Variants in GIPC2 observed in about 807,000 individuals in gnomAD.
GIPC2 encodes the protein PDZ domain-containing protein GIPC2.
Under a neutral mutation model 30.6 loss-of-function variants are expected in GIPC2, and 30 were observed. The observed-to-expected ratio is 0.98, with a 90% CI of 0.73 to 1.33. The LOEUF is 1.33. Among genes scored for constraint, GIPC2 ranks in the 40% most tolerant of loss-of-function variants. The probability of loss-of-function intolerance (pLI) is 0.00; values close to 1 mark genes in which losing one functional copy is unlikely to be tolerated. For synonymous variants in GIPC2, 167 were observed against 150.0 expected (o/e 1.11, Z -0.83); for missense variants, 414 against 390.3 (o/e 1.06, Z -0.51).
chr1:78,103,705 G>A (rs1256341772), intron 3 of GIPC2, among the ~76,000 whole-genome samples: 2 of 152,172 alleles, frequency 1.3e-5, no homozygotes, highest in African/African-American at 2.4e-5. Context: ...ATGCTATAGT[G>A]CAGATTTAAA....
chr1:78,117,315 G>A (rs1662586686), intron 3 of GIPC2, among the ~76,000 whole-genome samples: 1 of 152,282 alleles, frequency 6.6e-6, no homozygotes. Flanking sequence ...GTCCTGTGAT[G>A]CCTCTCTGGA....
At position 78,137,582 on chromosome 1, in the gene GIPC2, GT is replaced by G. The variant is rs1175873369; in HGVS notation, c.*1840del. The G allele has an allele frequency of 2.0e-4, 30 of 152,126 alleles. No individual in the cohort carries two copies. Among genetic ancestry groups the G allele is most frequent in the Admixed American group, 2.0e-3 (30 of 15,270 alleles). 9.4% of individuals were successfully genotyped at this position (152,126 alleles called of 1,614,324 possible). ...CTTTCTAGAATTTGTGTGTAAGGTT[GT>G]GATATCCATGTACAGCTGTAACTAT... On this transcript the variant is annotated 3_prime_UTR_variant, in exon 6 of 6. Coordinates refer to ENST00000370759, the MANE Select transcript of GIPC2 (RefSeq NM_017655.6).
intron 2 of GIPC2, chr1:78,091,484 CCTCCCG>C: frequency 1.5e-6 from 1 of 670,812 alleles, no homozygotes; most frequent in South Asian, 1.6e-5. Context: ...CCTGTTTTCA[CCTCCCG>C]CTGCGCTAAT....
intron 1 of GIPC2, 80 bp downstream of exon 1, chr1:78,046,414 G>A: frequency 7.4e-7 from 1 of 1,344,994 alleles, no homozygotes; most frequent in Non-Finnish European, 1.0e-6. Context: ...GGCCCAGGAG[G>A]GTTGAGCGGC....
intron 5 of GIPC2, among the ~76,000 whole-genome samples, chr1:78,133,775 TGTGTG>T (rs1662948683): frequency 1.3e-5 from 2 of 151,850 alleles, no homozygotes; most frequent in African/African-American, 4.8e-5. Context: ...TGTGTGTGTG[TGTGTG>T]TGTGTGTGTA....
intron 2 of GIPC2, among the ~76,000 whole-genome samples, chr1:78,082,534 T>C (rs77611745): frequency 0.018 from 2,688 of 152,268 alleles, 58 homozygotes; most frequent in South Asian, 0.1. Flanking sequence ...GCTCAGGACA[T>C]GAGGCACAGG....
At chr1:78,091,282 T>G (rs561464079) in intron 2 of GIPC2, among the ~76,000 whole-genome samples, 1 of 152,344 alleles carries the variant, frequency 6.6e-6, no homozygotes, top group East Asian at 1.9e-4. Flanking sequence ...ACTGTTAGCT[T>G]ATTATTATGG....
chr1:78,121,339 C>G (rs1393915447), intron 4 of GIPC2, among the ~76,000 whole-genome samples: 1 of 152,066 alleles, frequency 6.6e-6, no homozygotes, highest in Non-Finnish European at 1.5e-5. Flanking sequence ...GGGCAAGGCT[C>G]TGGGCCCTTC....
chr1:78,068,790 G>A (rs1661566549), intron 1 of GIPC2, among the ~76,000 whole-genome samples: 1 of 152,136 alleles, frequency 6.6e-6, no homozygotes, highest in South Asian at 2.1e-4. Flanking sequence ...GGAAGGCTAG[G>A]GAGAGGGAGT....
chr1:78,061,107 T>C (rs1661384166), intron 1 of GIPC2, among the ~76,000 whole-genome samples: 6 of 152,164 alleles, frequency 3.9e-5, no homozygotes, highest in Admixed American at 3.9e-4. Flanking sequence ...AGACAAATTT[T>C]AATAATTTCT....
intron 1 of GIPC2, among the ~76,000 whole-genome samples, chr1:78,073,965 A>T (rs925845735): frequency 6.6e-6 from 1 of 152,212 alleles, no homozygotes; most frequent in African/African-American, 2.4e-5. Context: ...AATACTGAGG[A>T]AAGTAGCAAT....
intron 5 of GIPC2, among the ~76,000 whole-genome samples, chr1:78,132,665 A>ATATGTGTG (rs138358890): frequency 2.1e-5 from 3 of 142,608 alleles, no homozygotes; most frequent in Admixed American, 7.0e-5. Context: ...ATAGCCAAGG[A>ATATGTGTG]TGTGTGTGTG....
At chr1:78,046,798 A>C (rs543034037) in intron 1 of GIPC2, among the ~76,000 whole-genome samples, 1 of 147,974 alleles carries the variant, frequency 6.8e-6, no homozygotes, top group African/African-American at 2.5e-5. Flanking sequence ...AAAAAAATAG[A>C]AGTGCCTTGC....
rs756883769 is a variant in GIPC2 at position 78,095,149 on chromosome 1, T to C, written c.607+17T>C. On this transcript the variant is annotated intron_variant, in intron 3 of 5. Transcript: ENST00000370759. ...AGGCATTTGGTAAGTCAGGGGTTGG[T>C]GGGCGGGTGTGTGAAATGTTTGCTT... The C allele has an allele frequency of 6.3e-7, 1 of 1,580,402 alleles. No homozygotes were observed. Among genetic ancestry groups the C allele is most frequent in the Non-Finnish European group, 8.7e-7 (1 of 1,152,394 alleles).
Position 78,046,125 on chromosome 1 carries a change from G to A in GIPC2, c.31G>A (p.Ala11Thr), listed in dbSNP as rs551450925. The A allele has an allele frequency of 3.0e-4, 451 of 1,505,854 alleles. 3 individuals are homozygous for A. The South Asian group carries it at 5.5e-3, about 18-fold the overall frequency. 93.3% of individuals were successfully genotyped at this position (1,505,854 alleles called of 1,614,324 possible). A position where few individuals can be genotyped will look rare whatever the true frequency, so the allele number is the denominator to read the frequency against. The change falls in exon 1 of 6, where the codon GCC (alanine) becomes ACC (threonine). Residue 11 changes from alanine to threonine, a missense_variant. Ala to Thr is a moderately conservative substitution (Grantham distance 58). Transcript: ENST00000370759. MPLKLRGKKK[A>T]KSKETAGLVE... ...CCTGAAGCTGCGGGGGAAGAAGAAG[G>A]CCAAGTCCAAGGAGACCGCCGGGCT...
chr1:78,095,163 A>C (rs1644546956), intron 3 of GIPC2, 31 bp downstream of exon 3: 1 of 1,499,102 alleles, frequency 6.7e-7, no homozygotes, highest in Admixed American at 1.7e-5. Flanking sequence ...CGGGTGTGTG[A>C]AATGTTTGCT....
chr1:78,088,046 G>T (rs986357815), intron 2 of GIPC2, among the ~76,000 whole-genome samples: 2 of 151,356 alleles, frequency 1.3e-5, no homozygotes, highest in Non-Finnish European at 2.9e-5. Flanking sequence ...CAAAACCACA[G>T]TGAGATACCA....
At chr1:78,083,458 T>C (rs984563826) in intron 2 of GIPC2, among the ~76,000 whole-genome samples, 1 of 152,188 alleles carries the variant, frequency 6.6e-6, no homozygotes, top group African/African-American at 2.4e-5. Flanking sequence ...ACTAGTCTTT[T>C]TCACTACAAA....
At chr1:78,120,747 A>T (rs1460749714) in intron 4 of GIPC2, among the ~76,000 whole-genome samples, 1 of 152,150 alleles carries the variant, frequency 6.6e-6, no homozygotes, top group East Asian at 1.9e-4. Context: ...TGTGAGACTT[A>T]TTCACTATCA....
Sources: allele counts gnomAD v4.1 joint callset (sites outside exome capture counted in the v4.1 genomes callset), GRCh38; gene constraint gnomAD v4.1.1; transcripts MANE v1.5; gene names NCBI Gene and HGNC (gene_info 2026-07-23, HGNC 2026-07-21).